The following CSMD2 variants were observed in gnomAD, a reference collection of about 807,000 sequenced individuals.
The protein encoded by CSMD2 is CUB and sushi domain-containing protein 2.
A neutral mutation model predicts 398.5 loss-of-function variants in CSMD2; 130 were observed. The ratio of observed to expected loss-of-function variants is 0.33; its 90% confidence interval spans 0.28 to 0.38. The LOEUF (loss-of-function observed/expected upper bound fraction) is 0.38, where lower values mean the gene tolerates loss of function less well. Ranked by LOEUF, CSMD2 falls within the 10% of genes least tolerant of loss-of-function variation. The pLI is 1.00. For synonymous variants in CSMD2, 1,828 were observed against 1,908.5 expected, an observed-to-expected ratio of 0.96 and a Z score of 1.10; for missense variants, 3,829 against 4,764.9, an observed-to-expected ratio of 0.80 and a Z score of 5.78.
At position 33,918,288 on chromosome 1, in the gene CSMD2, A is replaced by T; in HGVS notation, c.726T>A (p.Cys242Ter). ...PLPSCRADDA[C>*]GGTLRGQSGI... ...CACTCTGGCCCCGCAGGGTCCCACCACAGGCATCATCAGCTGTGGGCACAG... is the reference window on the plus strand; with the variant it reads ...CACTCTGGCCCCGCAGGGTCCCACCTCAGGCATCATCAGCTGTGGGCACAG... Residue 242 changes from cysteine to a stop codon, truncating the protein, a stop_gained, in exon 5 of 71, where the codon TGT becomes TGA. Coordinates refer to ENST00000373381, the MANE Select transcript of CSMD2 (RefSeq NM_001281956.2). LOFTEE classifies it high-confidence loss of function. The T allele has an allele frequency of 6.2e-7, 1 of 1,613,894 alleles. No homozygotes were observed. Among genetic ancestry groups the T allele is most frequent in the Non-Finnish European group, 8.5e-7 (1 of 1,179,984 alleles).
At chr1:33,530,535 G>T (rs190660056) in intron 64 of CSMD2, among the ~76,000 whole-genome samples, 16 of 152,218 alleles carry the variant, frequency 1.1e-4, no homozygotes, top group African/African-American at 3.8e-4. Context: ...AACGTATGAA[G>T]GTTCCTCAAA....
At chr1:34,135,391 C>T (rs1044855768) in intron 1 of CSMD2, among the ~76,000 whole-genome samples, 4 of 151,800 alleles carry the variant, frequency 2.6e-5, no homozygotes, top group Non-Finnish European at 2.9e-5. Context: ...GAGGCCGAGG[C>T]GGGTGGATCA....
At chr1:33,778,002 G>A (rs540252784) in intron 12 of CSMD2, among the ~76,000 whole-genome samples, 1 of 152,268 alleles carries the variant, frequency 6.6e-6, no homozygotes, top group East Asian at 1.9e-4. Flanking sequence ...CATGAGGCTG[G>A]GAGGCTTCAC....
At chr1:33,703,248 C>G (rs1254253891) in intron 22 of CSMD2, among the ~76,000 whole-genome samples, 1 of 152,178 alleles carries the variant, frequency 6.6e-6, no homozygotes, top group Non-Finnish European at 1.5e-5. Context: ...TTGTGTAATT[C>G]TGACTGAGCT....
At chr1:33,913,961 C>T (rs1643593296) in intron 5 of CSMD2, among the ~76,000 whole-genome samples, 1 of 152,040 alleles carries the variant, frequency 6.6e-6, no homozygotes, top group Admixed American at 6.6e-5. Flanking sequence ...CTGTGATGGG[C>T]TGGAGATCAC....
At chr1:33,647,356 G>T (rs1434125456) in intron 28 of CSMD2, among the ~76,000 whole-genome samples, 1 of 150,880 alleles carries the variant, frequency 6.6e-6, no homozygotes. Context: ...GTCTGCTATT[G>T]CCCCACGCCT....
At chr1:33,660,041 C>T (rs1644081254) in intron 26 of CSMD2, among the ~76,000 whole-genome samples, 2 of 152,288 alleles carry the variant, frequency 1.3e-5, no homozygotes, top group South Asian at 4.1e-4. Context: ...AAATGTTCCC[C>T]TAGAAGAAAA....
chr1:33,551,905 G>T (rs188539040), intron 55 of CSMD2, among the ~76,000 whole-genome samples: 1 of 152,116 alleles, frequency 6.6e-6, no homozygotes, highest in Non-Finnish European at 1.5e-5. Flanking sequence ...CAGAGACTAC[G>T]GAATGACAAG....
intron 10 of CSMD2, among the ~76,000 whole-genome samples, chr1:33,799,949 G>GA (rs1655398311): frequency 6.6e-6 from 1 of 152,234 alleles, no homozygotes; most frequent in Non-Finnish European, 1.5e-5. Flanking sequence ...TGTCACCGCA[G>GA]AAGAGTTTGC....
intron 25 of CSMD2, among the ~76,000 whole-genome samples, chr1:33,679,919 C>CT (rs11415719): frequency 0.59 from 85,124 of 144,020 alleles, 25,224 homozygotes; most frequent in East Asian, 0.77. Flanking sequence ...TTGAATTTTA[C>CT]TTTTTTTTTT....
chr1:33,628,872 A>T (rs1438831018), intron 32 of CSMD2, among the ~76,000 whole-genome samples: 8 of 152,156 alleles, frequency 5.3e-5, no homozygotes, highest in African/African-American at 1.7e-4. Context: ...ACAAGGACAA[A>T]GAATCACGTT....
intron 13 of CSMD2, among the ~76,000 whole-genome samples, chr1:33,755,821 AT>A (rs951857380): frequency 8.2e-5 from 12 of 146,112 alleles, no homozygotes; most frequent in African/African-American, 2.4e-4. Context: ...AATTATTTTT[AT>A]TTTTTTTTAA....
chr1:33,655,836 C>T (rs376427395), intron 27 of CSMD2, among the ~76,000 whole-genome samples: 5 of 152,174 alleles, frequency 3.3e-5, no homozygotes, highest in African/African-American at 4.8e-5. Flanking sequence ...TTCCCAAAGC[C>T]GAGTGTAGAA....
chr1:33,836,664 T>G (rs6677377), intron 6 of CSMD2, among the ~76,000 whole-genome samples: 119,513 of 152,144 alleles, frequency 0.79, 47,798 homozygotes, highest in East Asian at 0.94. Context: ...CTCTGAGCCA[T>G]GCGTGGGATA....
chr1:33,536,535 G>C (rs1402572183), intron 62 of CSMD2, among the ~76,000 whole-genome samples: 1 of 152,168 alleles, frequency 6.6e-6, no homozygotes, highest in Non-Finnish European at 1.5e-5. Flanking sequence ...CCTTTTCTCT[G>C]TTCAATGTGT....
intron 13 of CSMD2, among the ~76,000 whole-genome samples, chr1:33,758,488 T>C (rs1649349505): frequency 6.6e-6 from 1 of 152,310 alleles, no homozygotes; most frequent in Middle Eastern, 3.4e-3. Context: ...CTAATAATAA[T>C]TGTAACAAAA....
chr1:34,042,731 C>T (rs924107825), intron 2 of CSMD2, among the ~76,000 whole-genome samples: 1 of 152,180 alleles, frequency 6.6e-6, no homozygotes, highest in African/African-American at 2.4e-5. Context: ...CCTGGCCTGC[C>T]TTTCTTTCTA....
chr1:33,723,084 G>C (rs1177081216), intron 19 of CSMD2, among the ~76,000 whole-genome samples: 5 of 152,078 alleles, frequency 3.3e-5, no homozygotes, highest in Non-Finnish European at 7.4e-5. Context: ...ATCTATTTCT[G>C]GACAATTATT....
intron 70 of CSMD2, among the ~76,000 whole-genome samples, chr1:33,517,161 T>C (rs1244867008): frequency 6.6e-6 from 1 of 152,176 alleles, no homozygotes; most frequent in Non-Finnish European, 1.5e-5. Flanking sequence ...TAAAAAAAAA[T>C]TACCATCTAG....
Sources: allele counts gnomAD v4.1 joint callset (sites outside exome capture counted in the v4.1 genomes callset), GRCh38; gene constraint gnomAD v4.1.1; transcripts MANE v1.5; gene names NCBI Gene and HGNC (gene_info 2026-07-23, HGNC 2026-07-21).